CDH18: variants seen among roughly 807,000 people sequenced by gnomAD.
CDH18 encodes the protein cadherin-18.
Under a neutral mutation model 67.9 loss-of-function variants are expected in CDH18, and 31 were observed. The ratio of observed to expected loss-of-function variants is 0.46; its 90% confidence interval spans 0.34 to 0.62. The LOEUF (loss-of-function observed/expected upper bound fraction) is 0.62. CDH18 is among the 20% of genes least tolerant of loss of function. The pLI is 0.01. For missense variants in CDH18, 890 were observed against 975.5 expected (o/e 0.91, Z 1.17); for synonymous variants, 362 against 347.2 (o/e 1.04, Z -0.48).
chr5:19,869,323 T>C (rs1581718752), intron 2 of CDH18, among the ~76,000 whole-genome samples: 1 of 152,256 alleles, frequency 6.6e-6, no homozygotes, highest in East Asian at 1.9e-4. Flanking sequence ...TGTAATAATT[T>C]ACCCAAACAG....
chr5:19,694,408 T>C (rs146638255), intron 5 of CDH18, among the ~76,000 whole-genome samples: 6 of 152,156 alleles, frequency 3.9e-5, no homozygotes, highest in Non-Finnish European at 1.5e-5. Context: ...TATGCTCACA[T>C]ATTGTGAAAT....
At chr5:20,172,223 T>TATATACATATATATATATATAC (rs1554098639) in intron 2 of CDH18, among the ~76,000 whole-genome samples, 1 of 43,924 alleles carries the variant, frequency 2.3e-5, no homozygotes, top group Non-Finnish European at 4.0e-5. Flanking sequence ...TATATATATA[T>TATATACATATATATATATATAC]GTATATATAT....
At chr5:20,552,202 C>T (rs1014688100) in intron 1 of CDH18, among the ~76,000 whole-genome samples, 19 of 151,606 alleles carry the variant, frequency 1.3e-4, no homozygotes, top group Non-Finnish European at 1.9e-4. Context: ...TTCAGGTGGG[C>T]GCATTGGCTC....
At chr5:19,843,000 G>A (rs1234666969) in intron 2 of CDH18, among the ~76,000 whole-genome samples, 1 of 152,132 alleles carries the variant, frequency 6.6e-6, no homozygotes, top group Non-Finnish European at 1.5e-5. Context: ...TGTTTAAAAG[G>A]GAAGCACAGC....
chr5:20,157,056 G>T (rs1308645317), intron 2 of CDH18, among the ~76,000 whole-genome samples: 1 of 152,188 alleles, frequency 6.6e-6, no homozygotes. Flanking sequence ...TAACAGGGAG[G>T]TAGTGTATAT....
At chr5:20,305,287 C>G in intron 1 of CDH18, 1 of 1,484,716 alleles carries the variant, frequency 6.7e-7, no homozygotes, top group Non-Finnish European at 9.4e-7. Context: ...TTTAAAGCCT[C>G]CTCTACTGTC....
intron 12 of CDH18, among the ~76,000 whole-genome samples, chr5:19,479,850 T>A (rs1430296581): frequency 1.3e-5 from 2 of 152,102 alleles, no homozygotes. Context: ...AAAGTAAACA[T>A]ATCATATAGT....
At chr5:20,333,073 T>C (rs1739330132) in intron 1 of CDH18, among the ~76,000 whole-genome samples, 1 of 151,994 alleles carries the variant, frequency 6.6e-6, no homozygotes, top group Admixed American at 6.6e-5. Flanking sequence ...CAAAACAATA[T>C]TGAACAAAAC....
At chr5:20,205,613 A>T (rs1739819344) in intron 2 of CDH18, among the ~76,000 whole-genome samples, 1 of 151,918 alleles carries the variant, frequency 6.6e-6, no homozygotes, top group Admixed American at 6.6e-5. Context: ...ACTGTATCTT[A>T]GGTGACAAAT....
intron 3 of CDH18, among the ~76,000 whole-genome samples, chr5:19,754,434 A>G (rs7712822): frequency 0.95 from 145,232 of 152,258 alleles, 69,533 homozygotes; most frequent in East Asian, 1. Context: ...TTATATAATG[A>G]TAAAAGGCCT....
chr5:19,515,118 T>G (rs1745764638), intron 10 of CDH18, among the ~76,000 whole-genome samples: 1 of 152,144 alleles, frequency 6.6e-6, no homozygotes, highest in South Asian at 2.1e-4. Context: ...TTTCCCCATT[T>G]ATTGTTTTGT....
At chr5:19,928,154 G>A (rs982555370) in intron 2 of CDH18, among the ~76,000 whole-genome samples, 1 of 152,158 alleles carries the variant, frequency 6.6e-6, no homozygotes, top group African/African-American at 2.4e-5. Context: ...TACCTGCAGA[G>A]AGTCGCCCTG....
chr5:20,422,388 T>C (rs1747933292), intron 1 of CDH18, among the ~76,000 whole-genome samples: 1 of 151,020 alleles, frequency 6.6e-6, no homozygotes, highest in Non-Finnish European at 1.5e-5. Context: ...TTTTTAAACA[T>C]GATTTTAAAT....
chr5:19,506,757 G>A (rs1206680545), intron 10 of CDH18, among the ~76,000 whole-genome samples: 1 of 152,134 alleles, frequency 6.6e-6, no homozygotes, highest in Non-Finnish European at 1.5e-5. Flanking sequence ...ATTAATTCAA[G>A]ATGGATTAAA....
intron 1 of CDH18, among the ~76,000 whole-genome samples, chr5:20,356,719 G>T (rs1212930706): frequency 7.7e-6 from 1 of 130,016 alleles, no homozygotes; most frequent in African/African-American, 2.9e-5. Context: ...ATATACCAAG[G>T]TCTCTCTCTC....
chr5:19,891,588 G>A (rs561700446), intron 2 of CDH18, among the ~76,000 whole-genome samples: 1 of 152,174 alleles, frequency 6.6e-6, no homozygotes, highest in East Asian at 1.9e-4. Flanking sequence ...TCTCCCTCAG[G>A]AGATAATGAA....
intron 1 of CDH18, among the ~76,000 whole-genome samples, chr5:20,367,981 CT>C (rs1742660159): frequency 6.6e-6 from 1 of 152,116 alleles, no homozygotes; most frequent in African/African-American, 2.4e-5. Context: ...ATTAATTTGT[CT>C]GGGGCAGGGT....
chr5:20,082,934 C>T (rs1744610523), intron 2 of CDH18, among the ~76,000 whole-genome samples: 1 of 152,138 alleles, frequency 6.6e-6, no homozygotes, highest in Non-Finnish European at 1.5e-5. Context: ...GGACTTGTAC[C>T]CTTTGGAACT....
At chr5:20,027,361 G>C (rs1339030366) in intron 2 of CDH18, among the ~76,000 whole-genome samples, 1 of 152,144 alleles carries the variant, frequency 6.6e-6, no homozygotes, top group Non-Finnish European at 1.5e-5. Flanking sequence ...ATAGTCTGCT[G>C]TTTTTGTCCA....
Sources: allele counts gnomAD v4.1 joint callset (sites outside exome capture counted in the v4.1 genomes callset), GRCh38; gene constraint gnomAD v4.1.1; transcripts MANE v1.5; gene names NCBI Gene and HGNC (gene_info 2026-07-23, HGNC 2026-07-21).